Variants in ARHGAP39 observed in about 807,000 individuals in gnomAD.
ARHGAP39 encodes Rho GTPase activating protein 39.
A neutral mutation model predicts 106.9 loss-of-function variants in ARHGAP39; 44 were observed. The observed-to-expected ratio is 0.41, with a 90% confidence interval of 0.32 to 0.53. The LOEUF (loss-of-function observed/expected upper bound fraction) is 0.53. ARHGAP39 is among the 20% of genes least tolerant of loss of function. The pLI, the probability that ARHGAP39 is intolerant of heterozygous loss-of-function variation, is 0.21. For synonymous variants in ARHGAP39, 768 were observed against 693.2 expected, an observed-to-expected ratio of 1.11 and a Z score of -1.69; for missense variants, 1,496 against 1,577.3, an observed-to-expected ratio of 0.95 and a Z score of 0.87.
Position 144,682,125 on chromosome 8 carries a change from C to G in ARHGAP39, c.-82+3561G>C, listed in dbSNP as rs569390407. ...CTACTAAAAATACAAAAAAATTAGC[C>G]GGGCGTGGTGGCGGGAGGCTGAGGC... is the stretch of plus-strand genomic sequence containing the variant. On this transcript the variant is annotated intron_variant, in intron 1 of 11. Transcript: ENST00000377307. Among the ~76,000 whole-genome samples, 5 of 142,382 alleles carry G rather than the reference C, an allele frequency of 3.5e-5. No individual in the cohort carries two copies. In the Admixed American group the frequency reaches 3.6e-4, roughly 10 times the overall value. 93.4% of individuals were successfully genotyped at this position (142,382 alleles called of 152,430 possible).
intron 6 of ARHGAP39, among the ~76,000 whole-genome samples, chr8:144,541,759 C>T (rs1817201642): frequency 6.6e-6 from 1 of 152,188 alleles, no homozygotes; most frequent in Non-Finnish European, 1.5e-5. Context: ...CTCCATTCAG[C>T]TGCTGATGGA....
At chr8:144,621,671 A>T (rs541022881) in intron 1 of ARHGAP39, among the ~76,000 whole-genome samples, 1 of 152,328 alleles carries the variant, frequency 6.6e-6, no homozygotes, top group Admixed American at 6.5e-5. Context: ...TACAAAAATT[A>T]GCAGGGCGTG....
At chr8:144,608,915 T>C (rs1192523788) in intron 1 of ARHGAP39, among the ~76,000 whole-genome samples, 1 of 152,266 alleles carries the variant, frequency 6.6e-6, no homozygotes, top group Admixed American at 6.5e-5. Flanking sequence ...TTTGATCTTG[T>C]AACCTTGATA....
At chr8:144,561,340 A>G (rs537010274) in intron 3 of ARHGAP39, among the ~76,000 whole-genome samples, 2 of 150,454 alleles carry the variant, frequency 1.3e-5, no homozygotes, top group East Asian at 2.0e-4. Flanking sequence ...GCTTTCCATC[A>G]CATCCCAGTG....
intron 2 of ARHGAP39, among the ~76,000 whole-genome samples, chr8:144,602,081 G>T (rs569432084): frequency 6.9e-6 from 1 of 145,794 alleles, no homozygotes; most frequent in African/African-American, 2.6e-5. Flanking sequence ...ATGTACCTGT[G>T]TGTGGAGGCG....
chr8:144,572,618 T>A (rs1292160952), intron 3 of ARHGAP39, among the ~76,000 whole-genome samples: 2 of 152,094 alleles, frequency 1.3e-5, no homozygotes, highest in Admixed American at 1.3e-4. Context: ...AAAGCCAAAA[T>A]AGATAAATGG....
intron 1 of ARHGAP39, among the ~76,000 whole-genome samples, chr8:144,611,168 C>T (rs1820478264): frequency 6.6e-6 from 1 of 152,222 alleles, no homozygotes; most frequent in African/African-American, 2.4e-5. Context: ...ACTAATGGAA[C>T]ATATACTCAG....
At chr8:144,550,046 G>A (rs1181135126) in intron 4 of ARHGAP39, among the ~76,000 whole-genome samples, 3 of 152,196 alleles carry the variant, frequency 2.0e-5, no homozygotes, top group African/African-American at 7.2e-5. Context: ...GCTGAGGCAG[G>A]AGGATCACTT....
At position 144,671,851 on chromosome 8, in the gene ARHGAP39, C is replaced by T. The variant is rs1211510800; in HGVS notation, c.-82+13835G>A. On this transcript the variant is annotated intron_variant, in intron 1 of 11. Coordinates refer to ENST00000377307, the MANE Select transcript of ARHGAP39 (RefSeq NM_025251.3). The surrounding 1 kb of genome is among the most constrained non-coding windows in gnomAD (Gnocchi z 4.5). ...TCGGGGGTATCTGACTGGCAAGTGG[C>T]TGGCACATACAGGCAACAGTAAAGA... Among the ~76,000 whole-genome samples the T allele has an allele frequency of 6.6e-6, 1 of 152,232 alleles. No homozygotes were observed. The highest frequency in any genetic ancestry group is 1.5e-5 in the Non-Finnish European group (1 of 68,040).
chr8:144,654,558 G>A (rs1481203519), intron 1 of ARHGAP39, among the ~76,000 whole-genome samples: 3 of 152,294 alleles, frequency 2.0e-5, no homozygotes, highest in Non-Finnish European at 2.9e-5. Context: ...CAGTCAAGAC[G>A]GCCTGCTGCT....
chr8:144,642,034 TTGTTA>T (rs1458238495), intron 1 of ARHGAP39, among the ~76,000 whole-genome samples: 1 of 152,194 alleles, frequency 6.6e-6, no homozygotes, highest in Non-Finnish European at 1.5e-5. Context: ...CTGTGGTGGT[TTGTTA>T]TGGCAGCAAT....
chr8:144,670,076 C>T lies in ARHGAP39; in HGVS notation c.-82+15610G>A, dbSNP rs574219349. 3.1e-4 allele frequency among the ~76,000 whole-genome samples: 47 copies of T among 152,310 alleles called. No individual in the cohort carries two copies. Among genetic ancestry groups the T allele is most frequent in the Non-Finnish European group, 5.3e-4 (36 of 68,038 alleles). ...GCAATGGATGAAAGTCTAAAGGAAA[C>T]GGGGTTGACCTGTACAACGGAACGT... On this transcript the variant is annotated intron_variant, in intron 1 of 11. Transcript: ENST00000377307. This position sits in a 1 kb window ranked among gnomAD's most constrained non-coding sequence, Gnocchi z 4.4.
intron 1 of ARHGAP39, among the ~76,000 whole-genome samples, chr8:144,682,406 A>G (rs920838922): frequency 1.3e-4 from 20 of 151,290 alleles, no homozygotes; most frequent in African/African-American, 4.6e-4. Flanking sequence ...AAAATTAGCC[A>G]GGCGTGGTGG....
chr8:144,598,517 G>T (rs1008142704), intron 2 of ARHGAP39, among the ~76,000 whole-genome samples: 1 of 152,206 alleles, frequency 6.6e-6, no homozygotes. Flanking sequence ...ACAGAGCCCG[G>T]GGCATGAGAG....
rs1244537521 is a variant in ARHGAP39, at chr8:144,581,130, G to C, written c.228C>G (p.Asn76Lys). The C allele has an allele frequency of 2.5e-5, 40 of 1,589,918 alleles. No individual in the cohort carries two copies. The highest frequency in any genetic ancestry group is 3.3e-5 in the Non-Finnish European group (39 of 1,169,196). The change falls in exon 3 of 12, where the codon AAC becomes AAG. Residue 76 changes from asparagine (N) to lysine (K), a missense_variant. Coordinates refer to ENST00000377307, the MANE Select transcript of ARHGAP39 (RefSeq NM_025251.3). ...CATTGTAGTAGTAGAAGCGGGACGT[G>C]TTGGGGTCGAACAGCTCCCACCACT... is the stretch of plus-strand genomic sequence containing the variant. Reference protein sequence around the residue: ...ENQWWELFDPNTSRFYYYNAS... With the variant: ...ENQWWELFDPKTSRFYYYNAS...
chr8:144,651,178 C>T (rs893201349), intron 1 of ARHGAP39, among the ~76,000 whole-genome samples: 11 of 152,008 alleles, frequency 7.2e-5, no homozygotes, highest in Non-Finnish European at 1.0e-4. Flanking sequence ...GAATAAAATA[C>T]CTAGGAATAC....
rs1817521770 is a variant in ARHGAP39, at chr8:144,547,878, T to C, written c.1208A>G (p.Gln403Arg). 3.2e-6 allele frequency: 5 copies of C among 1,584,818 alleles called. No homozygotes were observed. Among genetic ancestry groups the C allele is most frequent in the Non-Finnish European group, 3.4e-6 (4 of 1,166,296 alleles). ...EYVRQLVYVE[Q>R]AGSSPKLRAG... ...GCGCAGCTTGGGGCTGGAGCCCGCC[T>C]GCTCCACGTAGACCAGCTGCCGCAC... is the stretch of plus-strand genomic sequence containing the variant. The change falls in exon 5 of 12, where the codon CAG becomes CGG. Residue 403 changes from glutamine (Q) to arginine (R), a missense_variant. Gln to Arg is a conservative substitution (Grantham distance 43). Around this residue, in one of 4 missense-constraint regions of ARHGAP39, gnomAD observed 905 missense variants for 816.4 expected, o/e 1.11. Coordinates refer to ENST00000377307, the MANE Select transcript of ARHGAP39 (RefSeq NM_025251.3). The surrounding 1 kb of genome is among the most constrained non-coding windows in gnomAD (Gnocchi z 5.2).
chr8:144,530,879 C>G lies in ARHGAP39; in HGVS notation c.2981-8G>C, dbSNP rs773451836. The stretch of plus-strand genomic sequence containing the variant: ...ACAGCTTCAGCAGGGACGCTGGGGA[C>G]ACAGCACGGGGCTCAGCGGCCCTGC... On this transcript the variant is annotated splice_region_variant and splice_polypyrimidine_tract_variant and intron_variant, in intron 10 of 11. Coordinates refer to ENST00000377307, the MANE Select transcript of ARHGAP39 (RefSeq NM_025251.3). 1.5e-5 allele frequency: 24 copies of G among 1,606,308 alleles called. No homozygotes were observed. The South Asian group carries it at 2.4e-4, about 16-fold the overall frequency.
At chr8:144,682,627 C>T (rs996750252) in intron 1 of ARHGAP39, among the ~76,000 whole-genome samples, 5 of 152,012 alleles carry the variant, frequency 3.3e-5, no homozygotes, top group African/African-American at 7.3e-5. Context: ...GTGATTCCAC[C>T]TTCTCACTTT....
Sources: gnomAD v4.1 joint callset for allele counts (sites outside exome capture counted in the v4.1 genomes callset) on GRCh38, gnomAD v4.1.1 for gene constraint, gnomAD v4.1.1 regional missense constraint, Gnocchi (gnomAD v3.1) non-coding constraint, MANE v1.5 for transcripts, NCBI Gene and HGNC (gene_info 2026-07-23, HGNC 2026-07-21) for gene names.